ERC1: variants seen among roughly 807,000 people sequenced by gnomAD.
The protein encoded by ERC1 is RAB6 interacting protein 2.
A neutral mutation model predicts 132.0 loss-of-function variants in ERC1; 56 were observed. That is an observed-to-expected ratio of 0.42 (90% CI 0.34 to 0.53). The LOEUF is 0.53. Among genes scored for constraint, ERC1 ranks in the 20% least tolerant of loss-of-function variants. ERC1 has a pLI of 0.03. For missense variants in ERC1, 1,202 were observed against 1,349.9 expected (o/e 0.89, Z 1.72); for synonymous variants, 478 against 476.1 (o/e 1.00, Z -0.05).
At chr12:1,310,007 G>A (rs2081180252) in intron 15 of ERC1, among the ~76,000 whole-genome samples, 1 of 151,796 alleles carries the variant, frequency 6.6e-6, no homozygotes, top group Admixed American at 6.6e-5. Flanking sequence ...GAATGCAATG[G>A]TGCGATCTTG....
At chr12:1,161,252 G>T (rs1251647667) in intron 8 of ERC1, among the ~76,000 whole-genome samples, 7 of 152,088 alleles carry the variant, frequency 4.6e-5, no homozygotes. Context: ...TTTAGATTTA[G>T]CCCTGTATGA....
intron 7 of ERC1, among the ~76,000 whole-genome samples, chr12:1,118,773 T>C (rs114243248): frequency 0.013 from 2,001 of 152,352 alleles, 60 homozygotes; most frequent in African/African-American, 0.045. Context: ...TGCTCTTAGT[T>C]GATTTCATCT....
chr12:1,028,674 A>C (rs1967343878), intron 2 of ERC1, 102 bp downstream of exon 2: 14 of 957,088 alleles, frequency 1.5e-5, no homozygotes, highest in Non-Finnish European at 1.8e-5. Flanking sequence ...TAGTATATGT[A>C]TCTTCCTTTT....
At chr12:1,217,935 TCA>T (rs1958578714) in intron 12 of ERC1, among the ~76,000 whole-genome samples, 1 of 152,078 alleles carries the variant, frequency 6.6e-6, no homozygotes, top group African/African-American at 2.4e-5. Flanking sequence ...GCAAGAAGAG[TCA>T]CAAAGCTTTG....
intron 3 of ERC1, among the ~76,000 whole-genome samples, chr12:1,102,445 G>A (rs1310969501): frequency 6.6e-6 from 1 of 152,188 alleles, no homozygotes; most frequent in African/African-American, 2.4e-5. Context: ...CTAATACAAT[G>A]GGGTAAGTGC....
At chr12:1,170,205 T>G (rs1952901447) in intron 8 of ERC1, among the ~76,000 whole-genome samples, 2 of 152,236 alleles carry the variant, frequency 1.3e-5, no homozygotes, top group African/African-American at 4.8e-5. Context: ...GTATCCTTAA[T>G]TCTCAAGAAT....
At chr12:1,425,010 T>G (rs914905925) in intron 17 of ERC1, among the ~76,000 whole-genome samples, 1 of 152,216 alleles carries the variant, frequency 6.6e-6, no homozygotes, top group Admixed American at 6.5e-5. Context: ...TCTTAAATCC[T>G]TAAAACCTAA....
chr12:1,313,690 A>C (rs769825161), intron 15 of ERC1, among the ~76,000 whole-genome samples: 2 of 151,372 alleles, frequency 1.3e-5, no homozygotes, highest in African/African-American at 2.4e-5. Flanking sequence ...AAATATTCTA[A>C]AATTTTTTTT....
intron 12 of ERC1, among the ~76,000 whole-genome samples, chr12:1,217,314 C>T (rs2154293432): frequency 6.6e-6 from 1 of 152,286 alleles, no homozygotes; most frequent in East Asian, 1.9e-4. Context: ...TCTGTTTTAT[C>T]AGACTTTATA....
chr12:1,237,030 T>C, intron 13 of ERC1, 126 bp downstream of exon 13: 3 of 1,107,448 alleles, frequency 2.7e-6, no homozygotes, highest in Non-Finnish European at 3.8e-6. Flanking sequence ...TGCCTTCCTC[T>C]CAGACCAACT....
chr12:1,484,080 C>G (rs112765829), intron 18 of ERC1, among the ~76,000 whole-genome samples: 2 of 93,372 alleles, frequency 2.1e-5, no homozygotes, highest in East Asian at 2.6e-4. Context: ...CTGAGGCGGG[C>G]GGATCACGAG....
intron 15 of ERC1, among the ~76,000 whole-genome samples, chr12:1,350,962 A>G (rs2084939960): frequency 6.6e-6 from 1 of 152,108 alleles, no homozygotes; most frequent in Non-Finnish European, 1.5e-5. Flanking sequence ...TGCAATACCT[A>G]ATGCAGTCTT....
intron 1 of ERC1, among the ~76,000 whole-genome samples, chr12:1,001,066 G>C (rs1180829666): frequency 6.6e-6 from 1 of 152,050 alleles, no homozygotes; most frequent in Admixed American, 6.6e-5. Context: ...ACCACGCCTG[G>C]CTAATTTTTG....
At chr12:1,251,554 C>T (rs1453356947) in intron 13 of ERC1, among the ~76,000 whole-genome samples, 1 of 152,036 alleles carries the variant, frequency 6.6e-6, no homozygotes, top group Non-Finnish European at 1.5e-5. Flanking sequence ...GCTGAAATTA[C>T]GCATGAAAAT....
chr12:1,199,457 A>G (rs551406616), intron 12 of ERC1, among the ~76,000 whole-genome samples: 1 of 151,378 alleles, frequency 6.6e-6, no homozygotes, highest in East Asian at 1.9e-4. Flanking sequence ...TTGATTTATA[A>G]ACAACTGACT....
chr12:1,225,246 G>A (rs546066834), intron 12 of ERC1, among the ~76,000 whole-genome samples: 24 of 151,376 alleles, frequency 1.6e-4, no homozygotes, highest in Admixed American at 1.5e-3. Flanking sequence ...ATCACTTGGG[G>A]CCAGGAGTTC....
chr12:1,067,761 A>G (rs1443928980), intron 2 of ERC1, among the ~76,000 whole-genome samples: 1 of 152,188 alleles, frequency 6.6e-6, no homozygotes, highest in African/African-American at 2.4e-5. Flanking sequence ...TCTCTTGCCT[A>G]GGAAAAGGTA....
chr12:1,471,164 C>T (rs1010247511), intron 18 of ERC1, among the ~76,000 whole-genome samples: 1 of 152,210 alleles, frequency 6.6e-6, no homozygotes, highest in Non-Finnish European at 1.5e-5. Flanking sequence ...GTGGCACACA[C>T]CCGTAGTCCC....
At chr12:1,076,535 C>T (rs1468968188) in intron 2 of ERC1, among the ~76,000 whole-genome samples, 1 of 152,024 alleles carries the variant, frequency 6.6e-6, no homozygotes, top group Non-Finnish European at 1.5e-5. Context: ...GCTGGGTTTA[C>T]AGGCGCGCAC....
Sources: gnomAD v4.1 joint callset for allele counts (sites outside exome capture counted in the v4.1 genomes callset) on GRCh38, gnomAD v4.1.1 for gene constraint, MANE v1.5 for transcripts, NCBI Gene and HGNC (gene_info 2026-07-23, HGNC 2026-07-21) for gene names.